The following TTN variants were observed in gnomAD, a reference collection of about 807,000 sequenced individuals.
TTN encodes the protein connectin.
Under a neutral mutation model 3,223.0 loss-of-function variants are expected in TTN, and 1,525 were observed. That is an observed-to-expected ratio of 0.47 (90% CI 0.45 to 0.49). The LOEUF is 0.49. Ranked by LOEUF, TTN falls within the 20% of genes least tolerant of loss-of-function variation. The probability of loss-of-function intolerance (pLI) is 0.00; values close to 1 mark genes in which losing one functional copy is unlikely to be tolerated. For synonymous variants in TTN, 14,094 were observed against 15,161.0 expected (o/e 0.93, Z 5.17); for missense variants, 40,786 against 43,424.0 (o/e 0.94, Z 5.40).
At chr2:178,606,929 A>G in intron 278 of TTN, 92 bp downstream of exon 278, 1 of 1,401,438 alleles carries the variant, frequency 7.1e-7, no homozygotes, top group Non-Finnish European at 9.6e-7. Context: ...AGATTTTGAG[A>G]CTGTTGGGAG....
rs1553665072 is a variant in TTN at position 178,599,296 on chromosome 2, C to T, written c.56497G>A (p.Val18833Ile). 6.2e-7 allele frequency: 1 copy of T among 1,608,104 alleles called. No individual in the cohort carries two copies. Among genetic ancestry groups the T allele is most frequent in the South Asian group, 1.1e-5 (1 of 89,744 alleles). Reference sequence around the variant, plus strand: ...TCCTTAGGTTCACTGGAGACATGGACCCATGTCTTCCTGTTAGCTTCTCTT... The same window carrying T: ...TCCTTAGGTTCACTGGAGACATGGATCCATGTCTTCCTGTTAGCTTCTCTT... ...EKREANRKTWVHVSSEPKECT... is the reference protein window; with the variant it reads ...EKREANRKTWIHVSSEPKECT... Residue 18833 changes from valine to isoleucine, a missense_variant, in exon 290 of 363, where the codon GTC (valine) becomes ATC (isoleucine). By Grantham distance (29) the Val-to-Ile change is conservative. Coordinates refer to ENST00000589042, the MANE Select transcript of TTN (RefSeq NM_001267550.2).
chr2:178,652,690 C>T lies in TTN; in HGVS notation c.39006G>A (p.Ser13002=), dbSNP rs548745743. Residue 13002 remains serine, a synonymous_variant, in exon 201 of 363, where the codon TCG becomes TCA. Transcript: ENST00000589042. ...GGACTTCAGGCTTTTTAGGAGGAGC[C>T]GAGGGCACTTTCTTTTCAGGAACAA... is the stretch of plus-strand genomic sequence containing the variant. ...KEVVPEKKVP[S]APPKKPEVPP... The T allele has an allele frequency of 5.0e-6, 8 of 1,613,136 alleles. No individual in the cohort carries two copies. The highest frequency in any genetic ancestry group is 2.7e-5 in the African/African-American group (2 of 74,806).
intron 12 of TTN, 85 bp from the exon 13 acceptor site, chr2:178,789,582 T>G: frequency 2.0e-6 from 3 of 1,521,836 alleles, no homozygotes; most frequent in Middle Eastern, 1.7e-4. Flanking sequence ...CTCATGGGGA[T>G]GCAAGATGGT....
Position 178,528,349 on chromosome 2 carries a change from C to T in TTN, c.107302G>A (p.Asp35768Asn), listed in dbSNP as rs794729571. The change falls in exon 361 of 363, where the codon GAC becomes AAC. Residue 35768 changes from aspartate to asparagine, a missense_variant. Transcript: ENST00000589042. ...SLEIRNASVS[D>N]SGKYTIKAKN... ...GCCTTAATTGTGTACTTTCCACTGTCGCTGACTGATGCATTTCGGATTTCA... is the reference window on the plus strand; with the variant it reads ...GCCTTAATTGTGTACTTTCCACTGTTGCTGACTGATGCATTTCGGATTTCA... 11 of 1,613,922 alleles carry T rather than the reference C, an allele frequency of 6.8e-6. No homozygotes were observed. In the African/African-American group the frequency reaches 8.0e-5, roughly 12 times the overall value.
intron 47 of TTN, chr2:178,745,082 C>T: frequency 1.0e-6 from 1 of 987,046 alleles, no homozygotes; most frequent in Non-Finnish European, 1.2e-6. Context: ...TTTGTTTTGC[C>T]TATTCTAAGT....
Position 178,571,393 on chromosome 2 carries a change from G to C in TTN, c.74739C>G (p.Gly24913=). 3.7e-6 allele frequency: 6 copies of C among 1,613,418 alleles called. No homozygotes were observed. Among genetic ancestry groups the C allele is most frequent in the Non-Finnish European group, 5.1e-6 (6 of 1,179,558 alleles). Residue 24913 remains glycine (G), a synonymous_variant, in exon 326 of 363, where the codon GGC becomes GGG. Coordinates refer to ENST00000589042, the MANE Select transcript of TTN (RefSeq NM_001267550.2). ...TGGAGGACAGTGTGACAACTGGAGT[G>C]CCAGGAGGACCAGGAACTTTGAATG... ...QYPFKVPGPP[G]TPVVTLSSRD... is the part of the protein sequence containing the mutation.
intron 265 of TTN, 55 bp from the exon 266 acceptor site, chr2:178,612,631 A>C: frequency 6.4e-7 from 1 of 1,559,008 alleles, no homozygotes; most frequent in Non-Finnish European, 8.6e-7. Context: ...CCCAATAGTC[A>C]GTCTGAAAGT....
chr2:178,564,104 T>C lies in TTN; in HGVS notation c.82028A>G (p.Asp27343Gly). The C allele has an allele frequency of 6.2e-7, 1 of 1,613,788 alleles. No individual in the cohort carries two copies. Among genetic ancestry groups the C allele is most frequent in the South Asian group, 1.1e-5 (1 of 91,088 alleles). ...TLVVKDCIRT[D>G]GGQYILKLSN... The stretch of plus-strand genomic sequence containing the variant: ...GAGTTTCAGAATATATTGTCCTCCA[T>C]CAGTCCGTATACAGTCTTTGACAAC... Residue 27343 changes from aspartate to glycine, a missense_variant, in exon 326 of 363, where the codon GAT becomes GGT. By Grantham distance (94) the Asp-to-Gly change is moderately conservative (BLOSUM62 -1). Coordinates refer to ENST00000589042, the MANE Select transcript of TTN (RefSeq NM_001267550.2).
chr2:178,747,455 G>T (rs147768944), intron 47 of TTN: 7 of 1,613,248 alleles, frequency 4.3e-6, no homozygotes, highest in East Asian at 4.5e-5. Context: ...ATCTAACTCA[G>T]ATATTTCTTC....
rs1227154135 is a variant in TTN, at chr2:178,741,581, C to T, written c.11652G>A (p.Leu3884=). Residue 3884 remains leucine, a synonymous_variant, in exon 48 of 363, where the codon TTG becomes TTA. Coordinates refer to ENST00000589042, the MANE Select transcript of TTN (RefSeq NM_001267550.2). ...DHSLIILFTK[L]EDEGEYTCMA... is the part of the protein sequence containing the mutation. ...TACATGTATACTCTCCCTCATCCTC[C>T]AATTTGGTGAACAGAATGATCAGGC... The T allele has an allele frequency of 3.1e-6, 5 of 1,613,828 alleles. 1 individual carries two copies. The Admixed American group carries it at 8.3e-5, about 27-fold the overall frequency.
chr2:178,677,705 C>T lies in TTN; in HGVS notation c.34207G>A (p.Glu11403Lys), dbSNP rs878921943. 6.2e-7 allele frequency: 1 copy of T among 1,612,724 alleles called. No individual in the cohort carries two copies. Among genetic ancestry groups the T allele is most frequent in the Non-Finnish European group, 8.5e-7 (1 of 1,179,208 alleles). Reference sequence around the variant, plus strand: ...AATTCTTCTTCCTCAGGTACATATTCTTCTTCGGGAGGAACTTCCTCTTCC... The same window carrying T: ...AATTCTTCTTCCTCAGGTACATATTTTTCTTCGGGAGGAACTTCCTCTTCC... ...PEEEEVPPEE[E>K]YVPEEEEFVP... The change falls in exon 146 of 363, where the codon GAA becomes AAA. Residue 11403 changes from glutamate to lysine, a missense_variant. Physicochemically the swap from Glu to Lys is moderately conservative, Grantham distance 56. Transcript: ENST00000589042.
At chr2:178,758,839 G>T (rs763134118) in intron 44 of TTN, 145 bp downstream of exon 44, 15 of 838,460 alleles carry the variant, frequency 1.8e-5, no homozygotes, top group Non-Finnish European at 2.4e-5. Context: ...GCGAGACCAT[G>T]GCATATAACA....
At chr2:178,604,400 G>T in intron 281 of TTN, 95 bp from the exon 282 acceptor site, 1 of 1,043,734 alleles carries the variant, frequency 9.6e-7, no homozygotes, top group Non-Finnish European at 1.3e-6. Flanking sequence ...AGGGATGACT[G>T]TAAGAAGAAA....
Position 178,775,660 on chromosome 2 carries a change from C to T in TTN, c.6204G>A (p.Lys2068=), listed in dbSNP as rs760573086. ...KITIPTFKPD[K]IELSPSMEAP... Reference sequence around the variant, plus strand: ...CCTCCATACTAGGACTTAGTTCAATCTTGTCAGGTTTAAAAGTTGGAATCG... The same window carrying T: ...CCTCCATACTAGGACTTAGTTCAATTTTGTCAGGTTTAAAAGTTGGAATCG... Residue 2068 remains lysine, a synonymous_variant, in exon 28 of 363, where the codon AAG becomes AAA. Transcript: ENST00000589042. The T allele has an allele frequency of 1.4e-5, 22 of 1,614,098 alleles. No individual in the cohort carries two copies. The highest frequency in any genetic ancestry group is 1.8e-5 in the Non-Finnish European group (21 of 1,180,002).
Position 178,780,164 on chromosome 2 carries a change from A to G in TTN, c.3565T>C (p.Tyr1189His), listed in dbSNP as rs1433683351. The G allele has an allele frequency of 3.1e-6, 5 of 1,613,750 alleles. 1 individual carries two copies. In the South Asian group the frequency reaches 5.5e-5, roughly 18 times the overall value. ...LLMKSQQEML[Y>H]QTQVTAFVQE... ...ACAAATGCAGTCACTTGTGTCTGAT[A>G]AAGCATTTCTTGCTGGGACTTCATC... is the stretch of plus-strand genomic sequence containing the variant. The change falls in exon 22 of 363, where the codon TAT becomes CAT. Residue 1189 changes from tyrosine (Y) to histidine (H), a missense_variant. Physicochemically the swap from Tyr to His is moderately conservative, Grantham distance 83. Coordinates refer to ENST00000589042, the MANE Select transcript of TTN (RefSeq NM_001267550.2).
chr2:178,689,772 C>G, intron 122 of TTN, 41 bp downstream of exon 122: 2 of 1,554,400 alleles, frequency 1.3e-6, no homozygotes, highest in Non-Finnish European at 8.7e-7. Flanking sequence ...TATTTTGTAT[C>G]AAAGATAAAA....
intron 360 of TTN, 38 bp from the exon 361 acceptor site, chr2:178,528,465 T>C: frequency 6.2e-7 from 1 of 1,605,772 alleles, no homozygotes; most frequent in African/African-American, 1.3e-5. Context: ...GTTGAAGTTC[T>C]TCAGATGTGG....
intron 147 of TTN, 26 bp from the exon 148 acceptor site, chr2:178,676,021 G>A (rs768709971): frequency 6.4e-7 from 1 of 1,569,766 alleles, no homozygotes; most frequent in African/African-American, 1.4e-5. Context: ...TTCATGATAA[G>A]GATTTATTTT....
At chr2:178,697,810 T>C (rs2073989956) in intron 112 of TTN, among the ~76,000 whole-genome samples, 1 of 152,232 alleles carries the variant, frequency 6.6e-6, no homozygotes, top group African/African-American at 2.4e-5. Flanking sequence ...GTATTTTTTC[T>C]TCAAATATTG....
Sources: gnomAD v4.1 joint callset for allele counts (sites outside exome capture counted in the v4.1 genomes callset) on GRCh38, gnomAD v4.1.1 for gene constraint, MANE v1.5 for transcripts, NCBI Gene and HGNC (gene_info 2026-07-23, HGNC 2026-07-21) for gene names.